The following PRKN variants were observed in gnomAD, a reference collection of about 807,000 sequenced individuals.
PRKN encodes the protein parkin RBR E3 ubiquitin protein ligase.
A neutral mutation model predicts 59.5 loss-of-function variants in PRKN; 56 were observed. The observed-to-expected ratio is 0.94, with a 90% CI of 0.76 to 1.18. PRKN has a LOEUF of 1.18. Among genes scored for constraint, PRKN ranks in the 50% most tolerant of loss-of-function variants. The pLI, the probability that PRKN is intolerant of heterozygous loss-of-function variation, is 0.00. For missense variants in PRKN, 657 were observed against 596.4 expected, an observed-to-expected ratio of 1.10 and a Z score of -1.06; for synonymous variants, 250 against 222.1, an observed-to-expected ratio of 1.13 and a Z score of -1.12.
chr6:162,613,877 C>T (rs1257074693), intron 1 of PRKN, among the ~76,000 whole-genome samples: 24 of 147,514 alleles, frequency 1.6e-4, no homozygotes. Context: ...ATGTGTATTG[C>T]TTAGCTTGAA....
intron 1 of PRKN, among the ~76,000 whole-genome samples, chr6:162,515,284 T>C (rs1426269080): frequency 2.0e-5 from 3 of 152,146 alleles, no homozygotes; most frequent in Non-Finnish European, 4.4e-5. Flanking sequence ...GATTTCACCA[T>C]GTTGGCCAGG....
chr6:162,585,621 G>A (rs1179088156), intron 1 of PRKN, among the ~76,000 whole-genome samples: 2 of 152,100 alleles, frequency 1.3e-5, no homozygotes, highest in African/African-American at 2.4e-5. Flanking sequence ...AAAATGCTCA[G>A]TAAATGTTGG....
At chr6:161,933,529 C>T (rs1446864600) in intron 6 of PRKN, among the ~76,000 whole-genome samples, 2 of 152,196 alleles carry the variant, frequency 1.3e-5, no homozygotes, top group East Asian at 1.9e-4. Flanking sequence ...TGAAAAACTC[C>T]GTAGCTTAGT....
At chr6:161,973,902 C>T (rs900599562) in intron 5 of PRKN, among the ~76,000 whole-genome samples, 3 of 152,164 alleles carry the variant, frequency 2.0e-5, no homozygotes, top group African/African-American at 4.8e-5. Context: ...AGTCATTTAG[C>T]GGAGTCAGGA....
rs1156920074 is a variant in PRKN, at chr6:161,451,474, A to C, written c.1084-64597T>G. Among the ~76,000 whole-genome samples the C allele has an allele frequency of 6.6e-6, 1 of 152,156 alleles. No individual in the cohort carries two copies. Among genetic ancestry groups the C allele is most frequent in the African/African-American group, 2.4e-5 (1 of 41,406 alleles). On this transcript the variant is annotated intron_variant, in intron 9 of 11. Transcript: ENST00000366898. The surrounding 1 kb of genome is among the most constrained non-coding windows in gnomAD (Gnocchi z 5.9). ...TCCATCAACAGACTCCATCAACAGG[A>C]GGCAACGCAGCCTCAGGATACCACC...
intron 9 of PRKN, among the ~76,000 whole-genome samples, chr6:161,430,930 G>A (rs866551629): frequency 1.2e-4 from 18 of 151,386 alleles, no homozygotes; most frequent in Middle Eastern, 6.8e-3. Flanking sequence ...GAGGTCAGAA[G>A]TTCGAGACCA....
rs71004101 is a variant in PRKN, at chr6:162,577,608, TAAATA to T, written c.8-134140_8-134136del. Among the ~76,000 whole-genome samples the T allele has an allele frequency of 7.4e-4, 102 of 137,180 alleles. No individual in the cohort carries two copies. The East Asian group carries it at 0.011, about 15-fold the overall frequency. The allele number at this position is 137,180 out of a possible 152,430, so 90.0% of individuals were successfully genotyped here. ...GAGCAAGACTCTGTCTCAAAATAAA[TAAATA>T]AAATAAAATAAAATAAAATATAATT... On this transcript the variant is annotated intron_variant, in intron 1 of 11. Coordinates refer to ENST00000366898, the MANE Select transcript of PRKN (RefSeq NM_004562.3).
At chr6:162,627,466 G>A (rs892063640) in intron 1 of PRKN, among the ~76,000 whole-genome samples, 2 of 152,142 alleles carry the variant, frequency 1.3e-5, no homozygotes, top group Non-Finnish European at 2.9e-5. Context: ...TAGGTAATGA[G>A]GAGTTATCAG....
intron 1 of PRKN, among the ~76,000 whole-genome samples, chr6:162,712,516 T>G (rs935681988): frequency 1.3e-5 from 2 of 152,038 alleles, no homozygotes; most frequent in African/African-American, 4.8e-5. Flanking sequence ...GGAACTAGAG[T>G]AAATATCATG....
intron 9 of PRKN, among the ~76,000 whole-genome samples, chr6:161,424,324 G>A (rs1950395174): frequency 7.3e-6 from 1 of 137,304 alleles, no homozygotes; most frequent in African/African-American, 2.8e-5. Context: ...GAGACAGAGG[G>A]AGATTCTGTC....
At chr6:161,856,373 T>G (rs1477676996) in intron 6 of PRKN, among the ~76,000 whole-genome samples, 1 of 151,378 alleles carries the variant, frequency 6.6e-6, no homozygotes, top group Admixed American at 6.6e-5. Context: ...AATAAATAAA[T>G]AAATAAATAA....
chr6:161,675,629 T>C (rs1562599853), intron 7 of PRKN, among the ~76,000 whole-genome samples: 1 of 152,176 alleles, frequency 6.6e-6, no homozygotes. Context: ...TGTTATATGC[T>C]CTCTTGCTGC....
chr6:162,707,130 CAG>C lies in PRKN; in HGVS notation c.7+20530_7+20531del, dbSNP rs956821644. Among the ~76,000 whole-genome samples, 14 of 150,894 alleles carry C rather than the reference CAG, an allele frequency of 9.3e-5. No homozygotes were observed. The South Asian group carries it at 1.7e-3, about 18-fold the overall frequency. On this transcript the variant is annotated intron_variant, in intron 1 of 11. Coordinates refer to ENST00000366898, the MANE Select transcript of PRKN (RefSeq NM_004562.3). ...AGGATGCTTTCTAATGAGAAAAAAG[CAG>C]AGTTTCCCCAGCAAATTGTAAATAA...
At position 161,459,469 on chromosome 6, in the gene PRKN, T is replaced by G. The variant is rs1790110575; in HGVS notation, c.1084-72592A>C. On this transcript the variant is annotated intron_variant, in intron 9 of 11. Coordinates refer to ENST00000366898, the MANE Select transcript of PRKN (RefSeq NM_004562.3). The surrounding 1 kb of genome is among the most constrained non-coding windows in gnomAD (Gnocchi z 4.8). ...CAAATGGAGCCACCATTTCTTAGTG[T>G]GGAGTGCAGGGACCTGGTTCTGAGC... 6.6e-6 allele frequency among the ~76,000 whole-genome samples: 1 copy of G among 152,196 alleles called. No individual in the cohort carries two copies. The highest frequency in any genetic ancestry group is 2.1e-4 in the South Asian group (1 of 4,824).
Position 162,078,581 on chromosome 6 carries a change from G to C in PRKN, c.535-24407C>G, listed in dbSNP as rs9365367. ...ACAGTTATATTTTAATTAGAACTTA[G>C]TGTCAAACATTTTTAAGTTTGATAA... On this transcript the variant is annotated intron_variant, in intron 4 of 11. Coordinates refer to ENST00000366898, the MANE Select transcript of PRKN (RefSeq NM_004562.3). 4.1e-3 allele frequency among the ~76,000 whole-genome samples: 620 copies of C among 152,158 alleles called. 21 individuals carry two copies. The East Asian group carries it at 0.093, about 23-fold the overall frequency.
intron 7 of PRKN, among the ~76,000 whole-genome samples, chr6:161,671,771 G>A (rs1322965775): frequency 1.3e-5 from 2 of 152,178 alleles, no homozygotes; most frequent in Admixed American, 1.3e-4. Context: ...GAGACAAAAT[G>A]TAATGTTGAC....
chr6:161,884,496 A>C (rs1795058590), intron 6 of PRKN, among the ~76,000 whole-genome samples: 1 of 152,246 alleles, frequency 6.6e-6, no homozygotes, highest in African/African-American at 2.4e-5. Context: ...CAAGTGCTTC[A>C]GGCCTTCACC....
intron 1 of PRKN, among the ~76,000 whole-genome samples, chr6:162,463,946 A>C (rs1179415961): frequency 6.6e-6 from 1 of 152,206 alleles, no homozygotes; most frequent in Non-Finnish European, 1.5e-5. Context: ...TTGGGGACTT[A>C]ATAAGCACAT....
At chr6:162,308,026 C>G (rs987264453) in intron 2 of PRKN, among the ~76,000 whole-genome samples, 1 of 152,178 alleles carries the variant, frequency 6.6e-6, no homozygotes, top group Non-Finnish European at 1.5e-5. Flanking sequence ...CCTGGCCATG[C>G]CTGGCCTATG....
Sources: allele counts gnomAD v4.1 joint callset (sites outside exome capture counted in the v4.1 genomes callset), GRCh38; gene constraint gnomAD v4.1.1; non-coding constraint Gnocchi (gnomAD v3.1); transcripts MANE v1.5; gene names NCBI Gene and HGNC (gene_info 2026-07-23, HGNC 2026-07-21).